CSMD1: variants seen among roughly 807,000 people sequenced by gnomAD.
CSMD1 encodes the protein CUB and sushi domain-containing protein 1.
Under a neutral mutation model 417.5 loss-of-function variants are expected in CSMD1, and 213 were observed. The ratio of observed to expected loss-of-function variants is 0.51; its 90% CI spans 0.46 to 0.57. CSMD1 has a LOEUF of 0.57. Among genes scored for constraint, CSMD1 ranks in the 20% least tolerant of loss-of-function variants. The pLI is 0.00. For missense variants in CSMD1, 6,923 were observed against 4,529.7 expected (o/e 1.53, Z -15.17); for synonymous variants, 2,862 against 1,736.8 (o/e 1.65, Z -16.11).
chr8:3,916,828 T>C (rs994611404), intron 5 of CSMD1, among the ~76,000 whole-genome samples: 3 of 152,186 alleles, frequency 2.0e-5, no homozygotes, highest in South Asian at 2.1e-4. Flanking sequence ...GGGGTGGTCT[T>C]AGATTGCTGC....
chr8:4,439,175 A>G (rs1798319752), intron 2 of CSMD1, among the ~76,000 whole-genome samples: 1 of 152,228 alleles, frequency 6.6e-6, no homozygotes, highest in South Asian at 2.1e-4. Context: ...TCAATTAAGT[A>G]AATGAGCCAT....
At chr8:3,025,301 T>C (rs1249400967) in intron 51 of CSMD1, among the ~76,000 whole-genome samples, 1 of 151,952 alleles carries the variant, frequency 6.6e-6, no homozygotes, top group African/African-American at 2.4e-5. Flanking sequence ...AAACTGTGTA[T>C]TGTCTGGTGT....
intron 3 of CSMD1, among the ~76,000 whole-genome samples, chr8:4,383,121 A>G (rs76590276): frequency 0.084 from 12,798 of 152,196 alleles, 697 homozygotes; most frequent in South Asian, 0.19. Context: ...TTTCCTGTGT[A>G]TTAAACTAAG....
chr8:4,354,310 G>T (rs997819257), intron 3 of CSMD1, among the ~76,000 whole-genome samples: 1 of 152,112 alleles, frequency 6.6e-6, no homozygotes, highest in Non-Finnish European at 1.5e-5. Flanking sequence ...TTAAGGCGAT[G>T]AAACATTTCA....
intron 6 of CSMD1, among the ~76,000 whole-genome samples, chr8:3,736,660 G>A (rs938324189): frequency 2.0e-5 from 3 of 152,130 alleles, no homozygotes; most frequent in Admixed American, 6.5e-5. Context: ...CATCACCTGC[G>A]ACCTGGCCTG....
chr8:4,964,501 CCAA>C lies in CSMD1; in HGVS notation c.85+29828_85+29830del, dbSNP rs1187280187. 8.6e-5 allele frequency among the ~76,000 whole-genome samples: 7 copies of C among 81,060 alleles called. No homozygotes were observed. The South Asian group carries it at 1.5e-3, about 17-fold the overall frequency. The allele number at this position is 81,060 out of a possible 152,430, so 53.2% of individuals were successfully genotyped here. A position where few individuals can be genotyped will look rare whatever the true frequency, so the allele number is the denominator to read the frequency against. ...ATCACAACACAGCAAGACCCTGTCT[CCAA>C]AAAAAAAAAAAAAAAAAAAAAGGAA... On this transcript the variant is annotated intron_variant, in intron 1 of 69. Coordinates refer to ENST00000635120, the MANE Select transcript of CSMD1 (RefSeq NM_033225.6).
intron 10 of CSMD1, among the ~76,000 whole-genome samples, chr8:3,558,042 C>T (rs112080682): frequency 0.02 from 3,035 of 150,272 alleles, 113 homozygotes; most frequent in African/African-American, 0.071. Context: ...AGAAGTAACC[C>T]GTGTCCACTC....
At chr8:3,511,610 T>C (rs983927674) in intron 10 of CSMD1, among the ~76,000 whole-genome samples, 1 of 151,280 alleles carries the variant, frequency 6.6e-6, no homozygotes, top group African/African-American at 2.5e-5. Context: ...GAAAAAAGAT[T>C]AGCTGGGCAT....
At chr8:3,534,936 A>C (rs2117529924) in intron 10 of CSMD1, among the ~76,000 whole-genome samples, 1 of 152,230 alleles carries the variant, frequency 6.6e-6, no homozygotes, top group East Asian at 1.9e-4. Flanking sequence ...GGGTTACTGT[A>C]AGACATGTAT....
intron 12 of CSMD1, among the ~76,000 whole-genome samples, chr8:3,448,345 G>A (rs867160312): frequency 4.8e-3 from 13 of 2,728 alleles, no homozygotes; most frequent in East Asian, 0.029. Context: ...GGGAGGGAGG[G>A]AGGAAGGAAG....
chr8:3,413,602 C>T (rs918744163), intron 12 of CSMD1, among the ~76,000 whole-genome samples: 7 of 152,110 alleles, frequency 4.6e-5, no homozygotes, highest in Admixed American at 3.3e-4. Context: ...ATTATGCCAG[C>T]GATGTTTCAT....
intron 1 of CSMD1, among the ~76,000 whole-genome samples, chr8:4,917,433 G>T (rs1314564083): frequency 6.6e-6 from 1 of 152,138 alleles, no homozygotes. Context: ...AGGAGATCGA[G>T]ACCACCCTGG....
At chr8:4,058,058 C>A (rs1192902494) in intron 3 of CSMD1, among the ~76,000 whole-genome samples, 2 of 151,946 alleles carry the variant, frequency 1.3e-5, no homozygotes, top group Admixed American at 6.6e-5. Context: ...TAGTTTTTTC[C>A]AATTCTGTGA....
chr8:3,572,179 T>G (rs1044238269), intron 10 of CSMD1, among the ~76,000 whole-genome samples: 3 of 152,138 alleles, frequency 2.0e-5, no homozygotes, highest in African/African-American at 7.2e-5. Flanking sequence ...ATTCGAGCAC[T>G]CCTTCTCCAC....
intron 7 of CSMD1, among the ~76,000 whole-genome samples, chr8:3,646,682 C>G (rs1211852570): frequency 6.6e-6 from 1 of 152,188 alleles, no homozygotes; most frequent in Non-Finnish European, 1.5e-5. Flanking sequence ...CATTGTTTCA[C>G]ACCTCATTAG....
intron 3 of CSMD1, among the ~76,000 whole-genome samples, chr8:4,261,438 G>C (rs186903327): frequency 5.3e-5 from 8 of 152,268 alleles, no homozygotes; most frequent in Admixed American, 3.3e-4. Flanking sequence ...AATTGTCAAA[G>C]TTTACAAACT....
At chr8:4,844,087 A>T (rs904738618) in intron 1 of CSMD1, among the ~76,000 whole-genome samples, 1 of 152,200 alleles carries the variant, frequency 6.6e-6, no homozygotes, top group Non-Finnish European at 1.5e-5. Flanking sequence ...GGGGAAAAAT[A>T]ATGCATGAAG....
At chr8:4,093,535 C>G (rs1032861079) in intron 3 of CSMD1, among the ~76,000 whole-genome samples, 2 of 152,132 alleles carry the variant, frequency 1.3e-5, no homozygotes, top group African/African-American at 4.8e-5. Context: ...ATTTTACATA[C>G]TACGAGTTTT....
At chr8:4,823,692 G>A (rs1359313753) in intron 1 of CSMD1, among the ~76,000 whole-genome samples, 5 of 152,012 alleles carry the variant, frequency 3.3e-5, no homozygotes, top group African/African-American at 1.2e-4. Flanking sequence ...ATTCTCTATG[G>A]TGAGAATTAA....
Sources: allele counts gnomAD v4.1 joint callset (sites outside exome capture counted in the v4.1 genomes callset), GRCh38; gene constraint gnomAD v4.1.1; transcripts MANE v1.5; gene names NCBI Gene and HGNC (gene_info 2026-07-23, HGNC 2026-07-21).